ZMYM4: variants seen among roughly 807,000 people sequenced by gnomAD.
The protein encoded by ZMYM4 is zinc finger MYM-type protein 4.
In ZMYM4, 31 loss-of-function variants were observed where a neutral mutation model predicts 183.2. The ratio of observed to expected loss-of-function variants is 0.17; its 90% CI spans 0.13 to 0.23. The LOEUF is 0.23. Ranked by LOEUF, ZMYM4 falls within the 10% of genes least tolerant of loss-of-function variation. ZMYM4 has a pLI of 1.00. For missense variants in ZMYM4, 1,273 were observed against 1,840.3 expected (o/e 0.69, Z 5.64); for synonymous variants, 592 against 631.2 (o/e 0.94, Z 0.93).
At chr1:35,299,252 A>G (rs767137474) in intron 1 of ZMYM4, among the ~76,000 whole-genome samples, 7 of 152,124 alleles carry the variant, frequency 4.6e-5, no homozygotes, top group Non-Finnish European at 8.8e-5. Flanking sequence ...TGTTGCTCCT[A>G]TACCTTCTGG....
At chr1:35,337,132 G>C (rs931111048) in intron 2 of ZMYM4, among the ~76,000 whole-genome samples, 2 of 152,148 alleles carry the variant, frequency 1.3e-5, no homozygotes, top group East Asian at 3.8e-4. Context: ...GCTGAGATGG[G>C]CAGATCACTT....
At chr1:35,361,922 G>T in intron 5 of ZMYM4, 133 bp downstream of exon 5, 1 of 1,185,030 alleles carries the variant, frequency 8.4e-7, no homozygotes. Context: ...AGGTTGAGGC[G>T]ATTTGAATTA....
intron 2 of ZMYM4, among the ~76,000 whole-genome samples, chr1:35,330,021 G>A (rs1029720567): frequency 6.6e-6 from 1 of 152,064 alleles, no homozygotes; most frequent in Non-Finnish European, 1.5e-5. Context: ...TTCAAAACCA[G>A]CCTGGGCACA....
intron 1 of ZMYM4, among the ~76,000 whole-genome samples, chr1:35,299,877 C>G (rs773513725): frequency 2.6e-5 from 4 of 151,892 alleles, no homozygotes; most frequent in Non-Finnish European, 4.4e-5. Context: ...TCACTGCAAG[C>G]TCCGTGCCCT....
chr1:35,319,496 C>T (rs1449718586), intron 1 of ZMYM4, among the ~76,000 whole-genome samples: 2 of 152,004 alleles, frequency 1.3e-5, no homozygotes, highest in Non-Finnish European at 2.9e-5. Context: ...TGGTTGTGCA[C>T]ACCTCTAGTT....
chr1:35,364,600 T>C (rs1374797389), intron 5 of ZMYM4, among the ~76,000 whole-genome samples: 1 of 152,186 alleles, frequency 6.6e-6, no homozygotes, highest in Non-Finnish European at 1.5e-5. Context: ...ATATTATTAG[T>C]CTCAAAAAAG....
Position 35,370,284 on chromosome 1 carries a change from G to C in ZMYM4, c.926-88G>C, listed in dbSNP as rs769260222. On this transcript the variant is annotated intron_variant, in intron 6 of 29. Coordinates refer to ENST00000314607, the MANE Select transcript of ZMYM4 (RefSeq NM_005095.3). ...TTCAAGACTAGTTCTAGAAGAGAAA[G>C]AAAGAATGTCTACTTAAAATTCATG... is the stretch of plus-strand genomic sequence containing the variant. 690 of 1,433,182 alleles carry C rather than the reference G, an allele frequency of 4.8e-4. 1 individual carries two copies. Among genetic ancestry groups the C allele is most frequent in the Non-Finnish European group, 5.3e-4 (582 of 1,094,060 alleles). 88.8% of individuals were successfully genotyped at this position (1,433,182 alleles called of 1,614,324 possible).
intron 5 of ZMYM4, among the ~76,000 whole-genome samples, chr1:35,369,597 G>T (rs752149742): frequency 1.4e-4 from 22 of 151,970 alleles, no homozygotes; most frequent in Non-Finnish European, 2.9e-4. Flanking sequence ...CATTGAGGAG[G>T]GGAAAAGACT....
intron 5 of ZMYM4, among the ~76,000 whole-genome samples, chr1:35,368,893 T>C (rs1164387248): frequency 6.6e-6 from 1 of 152,180 alleles, no homozygotes; most frequent in Non-Finnish European, 1.5e-5. Context: ...AAATTTGATA[T>C]TTTGCTCTTC....
At chr1:35,318,917 G>A (rs540574901) in intron 1 of ZMYM4, among the ~76,000 whole-genome samples, 119 of 152,138 alleles carry the variant, frequency 7.8e-4, no homozygotes, top group Non-Finnish European at 1.5e-3. Context: ...ACGGAGTTTC[G>A]CTCTTGTTGC....
At chr1:35,349,626 G>A (rs1039831950) in intron 2 of ZMYM4, among the ~76,000 whole-genome samples, 8 of 151,784 alleles carry the variant, frequency 5.3e-5, no homozygotes, top group Non-Finnish European at 8.8e-5. Flanking sequence ...TCAGGAGTTC[G>A]AAACCAGCCT....
rs547118520 is a variant in ZMYM4, at chr1:35,367,235, A to T, written c.841-2794A>T. ...CAATTAATTAATTTTTTTTTTTTTT[A>T]AAAGACAGAGTTTCACTCTTGTTGC... On this transcript the variant is annotated intron_variant, in intron 5 of 29. Transcript: ENST00000314607. Among the ~76,000 whole-genome samples the T allele has an allele frequency of 1.1e-3, 157 of 148,440 alleles. 4 individuals are homozygous for T. The highest frequency in any genetic ancestry group is 9.6e-3 in the South Asian group (45 of 4,698).
intron 25 of ZMYM4, among the ~76,000 whole-genome samples, chr1:35,406,896 T>C (rs900949093): frequency 6.6e-6 from 1 of 152,158 alleles, no homozygotes; most frequent in African/African-American, 2.4e-5. Flanking sequence ...CAAATCAAAT[T>C]GGATAACTCC....
At chr1:35,319,465 T>A (rs1438097787) in intron 1 of ZMYM4, among the ~76,000 whole-genome samples, 1 of 151,776 alleles carries the variant, frequency 6.6e-6, no homozygotes, top group Non-Finnish European at 1.5e-5. Flanking sequence ...CTACAGAAAA[T>A]TTTAAAAAAT....
At chr1:35,271,915 A>C (rs933524838) in intron 1 of ZMYM4, among the ~76,000 whole-genome samples, 6 of 152,126 alleles carry the variant, frequency 3.9e-5, no homozygotes, top group Non-Finnish European at 8.8e-5. Context: ...GTGAGCTATG[A>C]TATTGCCACT....
chr1:35,302,378 CTTTTTT>C (rs1179477732), intron 1 of ZMYM4, among the ~76,000 whole-genome samples: 3 of 86,180 alleles, frequency 3.5e-5, no homozygotes, highest in Admixed American at 1.3e-4. Flanking sequence ...GCTAATTTGA[CTTTTTT>C]TTTTTTTTTT....
intron 5 of ZMYM4, among the ~76,000 whole-genome samples, chr1:35,364,369 C>T (rs1221182907): frequency 6.6e-6 from 1 of 152,140 alleles, no homozygotes. Flanking sequence ...AATACCAGTC[C>T]TATAGGATCA....
In ZMYM4 at chr1:35,381,286, C is replaced by G. The variant is rs753286656; in HGVS notation, c.1209C>G (p.Ile403Met). The stretch of plus-strand genomic sequence containing the variant: ...ACATTTTAAATCCAAAGGATGTGAT[C>G]AGTGCCCAGTTTGAAAACACCACCA... ...SKDILNPKDVISAQFENTTTS... is the reference protein window; with the variant it reads ...SKDILNPKDVMSAQFENTTTS... The change falls in exon 8 of 30, where the codon ATC becomes ATG. Residue 403 changes from isoleucine (I) to methionine (M), a missense_variant. Physicochemically the swap from Ile to Met is conservative, Grantham distance 10. Transcript: ENST00000314607. The G allele has an allele frequency of 6.8e-6, 11 of 1,608,304 alleles. No individual in the cohort carries two copies. Among genetic ancestry groups the G allele is most frequent in the Non-Finnish European group, 9.3e-6 (11 of 1,177,110 alleles).
chr1:35,353,926 C>T (rs1643720409), intron 2 of ZMYM4, among the ~76,000 whole-genome samples: 1 of 152,032 alleles, frequency 6.6e-6, no homozygotes, highest in African/African-American at 2.4e-5. Flanking sequence ...AGGAAGAGTG[C>T]TTGAGCCCAG....
Sources: gnomAD v4.1 joint callset for allele counts (sites outside exome capture counted in the v4.1 genomes callset) on GRCh38, gnomAD v4.1.1 for gene constraint, MANE v1.5 for transcripts, NCBI Gene and HGNC (gene_info 2026-07-23, HGNC 2026-07-21) for gene names.